Variants in TRIML1 observed in about 807,000 individuals in gnomAD.
TRIML1 encodes tripartite motif family like 1.
TRIML1 carries 34 observed loss-of-function variants against 32.3 expected under a neutral mutation model. The observed-to-expected ratio is 1.05, with a 90% CI of 0.80 to 1.40. TRIML1 has a LOEUF of 1.40. Among genes scored for constraint, TRIML1 ranks in the 40% most tolerant of loss-of-function variants. TRIML1 has a pLI of 0.00. For missense variants in TRIML1, 595 were observed against 574.9 expected (o/e 1.03, Z -0.36); for synonymous variants, 244 against 226.6 (o/e 1.08, Z -0.69).
intron 1 of TRIML1, 83 bp from the exon 2 acceptor site, chr4:188,140,445 G>A (rs1734810149): frequency 9.1e-7 from 1 of 1,102,236 alleles, no homozygotes; most frequent in African/African-American, 1.5e-5. Context: ...AGAGGCCTAG[G>A]ACTGCGCAGT....
chr4:188,142,926 A>T, intron 3 of TRIML1: 1 of 161,284 alleles, frequency 6.2e-6, no homozygotes, highest in Non-Finnish European at 1.3e-5. Context: ...AATTATTCAT[A>T]CCTGTGGTAC....
In TRIML1 at chr4:188,147,319, G is replaced by T. The variant is rs1288779251; in HGVS notation, c.1354G>T (p.Glu452Ter). ...TATCTTTTCCCCCTGCCTCCCAAAT[G>T]AGGGGACAAACACAGACCCTCTCAC... ...RPIFSPCLPNEGTNTDPLTIC... is the reference protein window; with the variant it reads ...RPIFSPCLPN Residue 452 changes from glutamate (E) to a stop codon, truncating the protein, a stop_gained, in exon 6 of 6, where the codon GAG becomes TAG. Transcript: ENST00000332517. LOFTEE classifies it high-confidence loss of function. 4 of 1,534,878 alleles carry T rather than the reference G, an allele frequency of 2.6e-6. No individual in the cohort carries two copies. The highest frequency in any genetic ancestry group is 3.5e-6 in the Non-Finnish European group (4 of 1,143,192).
At chr4:188,149,388 G>A (rs1008169376), downstream of TRIML1, among the ~76,000 whole-genome samples, 1 of 152,146 alleles carries the variant, frequency 6.6e-6, no homozygotes, top group African/African-American at 2.4e-5. Flanking sequence ...TTACTAAGAT[G>A]TTTAGGAAAA....
At position 188,140,524 on chromosome 4, in the gene TRIML1, G is replaced by T. The variant is rs1392925478; in HGVS notation, c.409-4G>T. On this transcript the variant is annotated splice_region_variant and splice_polypyrimidine_tract_variant and intron_variant, in intron 1 of 5. Transcript: ENST00000332517. ...TTGCCAGAAAGGGTTTGTTTCTATT[G>T]CAGGAGAAACTCCAGGAAATCCTGA... 1 of 1,603,256 alleles carries T rather than the reference G, an allele frequency of 6.2e-7. No homozygotes were observed.
chr4:188,144,584 G>A (rs112173295), intron 5 of TRIML1, among the ~76,000 whole-genome samples: 12 of 127,842 alleles, frequency 9.4e-5, no homozygotes, highest in African/African-American at 2.8e-4. Context: ...GGATGGTCTC[G>A]ATCTCCTGAC....
downstream of TRIML1, among the ~76,000 whole-genome samples, chr4:188,150,319 G>A (rs930412819): frequency 3.3e-5 from 5 of 151,374 alleles, no homozygotes; most frequent in African/African-American, 1.2e-4. Flanking sequence ...AATAGAGATG[G>A]GGTTTTGCCA....
chr4:188,150,231 A>C (rs551455362), downstream of TRIML1, among the ~76,000 whole-genome samples: 1 of 152,032 alleles, frequency 6.6e-6, no homozygotes, highest in South Asian at 2.1e-4. Flanking sequence ...GGTTCAAGTA[A>C]TTCTCCTGCC....
At chr4:188,148,869 T>C (rs1735176616), downstream of TRIML1, among the ~76,000 whole-genome samples, 1 of 148,678 alleles carries the variant, frequency 6.7e-6, no homozygotes, top group African/African-American at 2.5e-5. Flanking sequence ...CCCAAAGTGC[T>C]AGGATTACAG....
Position 188,143,835 on chromosome 4 carries a change from T to C in TRIML1, c.736-3T>C, listed in dbSNP as rs1734953786. ...TGCTAACTTCTTTCTTTTTTACCCGTAGGAAGTGAGAGGAGCCCTGGAAAG... is the reference window on the plus strand; with the variant it reads ...TGCTAACTTCTTTCTTTTTTACCCGCAGGAAGTGAGAGGAGCCCTGGAAAG... On this transcript the variant is annotated splice_region_variant and splice_polypyrimidine_tract_variant and intron_variant, in intron 3 of 5. Coordinates refer to ENST00000332517, the MANE Select transcript of TRIML1 (RefSeq NM_178556.5). The C allele has an allele frequency of 6.2e-7, 1 of 1,614,076 alleles. No individual in the cohort carries two copies. Among genetic ancestry groups the C allele is most frequent in the African/African-American group, 1.3e-5 (1 of 75,022 alleles).
At chr4:188,141,972 C>A (rs62354302) in intron 2 of TRIML1, among the ~76,000 whole-genome samples, 10,300 of 151,764 alleles carry the variant, frequency 0.068, 446 homozygotes, top group East Asian at 0.2. Flanking sequence ...ATTAGCTGGG[C>A]GTGGTGGCAC....
intron 5 of TRIML1, among the ~76,000 whole-genome samples, chr4:188,144,514 C>T (rs1310346059): frequency 2.1e-5 from 3 of 141,490 alleles, no homozygotes; most frequent in African/African-American, 5.1e-5. Flanking sequence ...AGGCGCCCGC[C>T]ACCACGCCTG....
intron 2 of TRIML1, 24 bp from the exon 3 acceptor site, chr4:188,142,228 G>T (rs763635595): frequency 7.2e-7 from 1 of 1,394,486 alleles, no homozygotes; most frequent in African/African-American, 1.5e-5. Flanking sequence ...GTGTGTGTGT[G>T]TGTGTGTGTG....
chr4:188,139,991 C>A (rs1029253147), intron 1 of TRIML1, 25 bp downstream of exon 1: 2 of 1,563,112 alleles, frequency 1.3e-6, no homozygotes, highest in Non-Finnish European at 1.7e-6. Context: ...CAGCATGAAC[C>A]CCACGACTCA....
Position 188,147,478 on chromosome 4 carries a change from C to T in TRIML1, c.*106C>T. The T allele has an allele frequency of 9.9e-7, 1 of 1,008,944 alleles. No individual in the cohort carries two copies. Among genetic ancestry groups the T allele is most frequent in the Non-Finnish European group, 1.3e-6 (1 of 761,136 alleles). The allele number at this position is 1,008,944 out of a possible 1,614,324, so 62.5% of individuals were successfully genotyped here. ...TTAATGTCAGGTGATCTGAAATAAACTCCCGTAACCCCACCCCACCCCCAA... is the reference window on the plus strand; with the variant it reads ...TTAATGTCAGGTGATCTGAAATAAATTCCCGTAACCCCACCCCACCCCCAA... On this transcript the variant is annotated 3_prime_UTR_variant, in exon 6 of 6. Transcript: ENST00000332517.
intron 3 of TRIML1, chr4:188,143,617 G>A (rs1481071223): frequency 2.7e-5 from 17 of 622,610 alleles, no homozygotes; most frequent in Non-Finnish European, 4.0e-5. Context: ...AAAAGAAAAG[G>A]ACAAAGTATT....
Position 188,146,978 on chromosome 4 carries a change from G to C in TRIML1, c.1013G>C (p.Ser338Thr), listed in dbSNP as rs368069261. ...GTGCTGGGTACTCAGATCTTCACCA[G>C]TGGGAGACACTACTGGGAGGTGGAG... is the stretch of plus-strand genomic sequence containing the variant. ...ATVLGTQIFT[S>T]GRHYWEVEVG... is the part of the protein sequence containing the mutation. Residue 338 changes from serine to threonine, a missense_variant, in exon 6 of 6, where the codon AGT becomes ACT. By Grantham distance (58) the Ser-to-Thr change is moderately conservative. Coordinates refer to ENST00000332517, the MANE Select transcript of TRIML1 (RefSeq NM_178556.5). 13 of 1,568,510 alleles carry C rather than the reference G, an allele frequency of 8.3e-6. No individual in the cohort carries two copies. The African/African-American group carries it at 1.8e-4, about 21-fold the overall frequency.
chr4:188,140,272 C>G (rs920364925), intron 1 of TRIML1, among the ~76,000 whole-genome samples: 1 of 152,108 alleles, frequency 6.6e-6, no homozygotes, highest in Non-Finnish European at 1.5e-5. Flanking sequence ...AGTCACCCAC[C>G]ACCACGCCCG....
In TRIML1 at chr4:188,139,763, G is replaced by C; in HGVS notation, c.205G>C (p.Glu69Gln). The C allele has an allele frequency of 1.9e-6, 3 of 1,613,928 alleles. No homozygotes were observed. Among genetic ancestry groups the C allele is most frequent in the Non-Finnish European group, 2.5e-6 (3 of 1,179,998 alleles). ...GGAGGGCCCGCATTTCCAGTCAAAC[G>C]AGCGTCTGGGGAGGCTGGCCAGCAT... Reference protein sequence around the residue: ...TLEGPHFQSNERLGRLASIAR... With the variant: ...TLEGPHFQSNQRLGRLASIAR... The change falls in exon 1 of 6, where the codon GAG (glutamate) becomes CAG (glutamine). Residue 69 changes from glutamate (E) to glutamine (Q), a missense_variant. Physicochemically the swap from Glu to Gln is conservative, Grantham distance 29. Coordinates refer to ENST00000332517, the MANE Select transcript of TRIML1 (RefSeq NM_178556.5).
At chr4:188,140,031 G>A (rs890037284) in intron 1 of TRIML1, 65 bp downstream of exon 1, 100 of 1,499,730 alleles carry the variant, frequency 6.7e-5, no homozygotes, top group Non-Finnish European at 8.2e-5. Flanking sequence ...CTTTCCTGAC[G>A]TTTCCTAACG....
Sources: allele counts gnomAD v4.1 joint callset (sites outside exome capture counted in the v4.1 genomes callset), GRCh38; gene constraint gnomAD v4.1.1; transcripts MANE v1.5; gene names NCBI Gene and HGNC (gene_info 2026-07-23, HGNC 2026-07-21).